Variants in EEF1AKMT4 observed in about 807,000 individuals in gnomAD.
The protein encoded by EEF1AKMT4 is eukaryotic translation elongation factor 1 alpha lysine specific methyltransferase 4.
A neutral mutation model predicts 23.0 loss-of-function variants in EEF1AKMT4; 17 were observed. The observed-to-expected ratio is 0.74, with a 90% CI of 0.51 to 1.11. The LOEUF (loss-of-function observed/expected upper bound fraction) is 1.11. Among genes scored for constraint, EEF1AKMT4 ranks in the 50% least tolerant of loss-of-function variants. The pLI, the probability that EEF1AKMT4 is intolerant of heterozygous loss-of-function variation, is 0.00. For missense variants in EEF1AKMT4, 318 were observed against 333.4 expected (o/e 0.95, Z 0.36); for synonymous variants, 140 against 141.4 (o/e 0.99, Z 0.07).
intron 1 of EEF1AKMT4, among the ~76,000 whole-genome samples, chr3:184,251,433 T>C (rs550961107): frequency 1.3e-5 from 2 of 152,172 alleles, no homozygotes; most frequent in South Asian, 4.1e-4. Context: ...CTTGGGAGGC[T>C]GAGGCAGGAG....
intron 1 of EEF1AKMT4, 117 bp from the exon 2 acceptor site, chr3:184,257,356 T>C (rs1175562953): frequency 1.9e-6 from 2 of 1,066,906 alleles, no homozygotes; most frequent in Non-Finnish European, 2.7e-6. Flanking sequence ...CCACCTCCTC[T>C]CAGTACTAGA....
rs776645881 is a variant in EEF1AKMT4 at position 184,257,642 on chromosome 3, T to G, written c.366T>G (p.Ala122=). The G allele has an allele frequency of 1.2e-6, 2 of 1,614,204 alleles. No homozygotes were observed. Among genetic ancestry groups the G allele is most frequent in the Non-Finnish European group, 8.5e-7 (1 of 1,180,042 alleles). The change falls in exon 2 of 3, where the codon GCT becomes GCG. Residue 122 remains alanine, a synonymous_variant. Coordinates refer to ENST00000324557, the MANE Select transcript of EEF1AKMT4 (RefSeq NM_032331.4). ...MDVRKLDFPS[A]SFDVVLEKGT... The stretch of plus-strand genomic sequence containing the variant: ...TGCGGAAGCTGGACTTCCCCAGTGC[T>G]TCTTTTGATGTGGTGCTCGAGAAGG...
In EEF1AKMT4 at chr3:184,257,629, A is replaced by G. The variant is rs1195817719; in HGVS notation, c.353A>G (p.Asp118Gly). 1 of 1,614,032 alleles carries G rather than the reference A, an allele frequency of 6.2e-7. No homozygotes were observed. Among genetic ancestry groups the G allele is most frequent in the Non-Finnish European group, 8.5e-7 (1 of 1,180,044 alleles). ...RWETMDVRKL[D>G]FPSASFDVVL... ...GAGACCATGGATGTGCGGAAGCTGG[A>G]CTTCCCCAGTGCTTCTTTTGATGTG... The change falls in exon 2 of 3, where the codon GAC (aspartate) becomes GGC (glycine). Residue 118 changes from aspartate (D) to glycine (G), a missense_variant. Transcript: ENST00000324557.
intron 1 of EEF1AKMT4, among the ~76,000 whole-genome samples, chr3:184,255,438 C>A (rs73185790): frequency 1.3e-5 from 2 of 152,138 alleles, no homozygotes; most frequent in Admixed American, 6.5e-5. Flanking sequence ...GTGCCAAACC[C>A]TGATAGATTA....
rs531484055 is a variant in EEF1AKMT4 at position 184,255,178 on chromosome 3, G to A, written c.197-2295G>A. Among the ~76,000 whole-genome samples, 3 of 152,282 alleles carry A rather than the reference G, an allele frequency of 2.0e-5. No homozygotes were observed. The South Asian group carries it at 6.2e-4, about 32-fold the overall frequency. On this transcript the variant is annotated intron_variant, in intron 1 of 2. Transcript: ENST00000324557. The stretch of plus-strand genomic sequence containing the variant: ...CTACAGGTATATGAGGTCAGGTGTG[G>A]GGGTAATGAAGGGATTGTGGGTCAG...
chr3:184,256,360 T>C (rs979322692), intron 1 of EEF1AKMT4, among the ~76,000 whole-genome samples: 3 of 151,954 alleles, frequency 2.0e-5, no homozygotes, highest in Admixed American at 6.5e-5. Flanking sequence ...TAGTTTCCCC[T>C]TCACTTGTTA....
At chr3:184,256,145 G>A (rs532139860) in intron 1 of EEF1AKMT4, among the ~76,000 whole-genome samples, 23 of 151,990 alleles carry the variant, frequency 1.5e-4, no homozygotes, top group Non-Finnish European at 2.6e-4. Context: ...ATGGTGGTGC[G>A]TGCCTGTAGT....
chr3:184,257,086 T>C (rs1423554968), intron 1 of EEF1AKMT4, among the ~76,000 whole-genome samples: 6 of 151,570 alleles, frequency 4.0e-5, no homozygotes, highest in Non-Finnish European at 7.4e-5. Context: ...GGCACGCGCC[T>C]GTAATCCCAG....
intron 1 of EEF1AKMT4, 64 bp downstream of exon 1, chr3:184,249,954 C>G: frequency 6.5e-7 from 1 of 1,535,836 alleles, no homozygotes. Context: ...ATGGGCTTGG[C>G]CTGGTCCGCT....
chr3:184,250,402 C>G (rs1188939002), intron 1 of EEF1AKMT4, among the ~76,000 whole-genome samples: 5 of 152,192 alleles, frequency 3.3e-5, no homozygotes, highest in Non-Finnish European at 1.5e-5. Flanking sequence ...CTGTCTGAAA[C>G]TTGGTCCTAT....
chr3:184,250,627 C>G (rs1270291280), intron 1 of EEF1AKMT4, among the ~76,000 whole-genome samples: 1 of 152,140 alleles, frequency 6.6e-6, no homozygotes, highest in African/African-American at 2.4e-5. Context: ...TTACTTTGCT[C>G]TTTGTAAAAG....
chr3:184,254,726 G>A (rs1483795891), intron 1 of EEF1AKMT4, among the ~76,000 whole-genome samples: 1 of 151,728 alleles, frequency 6.6e-6, no homozygotes, highest in Non-Finnish European at 1.5e-5. Flanking sequence ...TTCCAATTTA[G>A]ATTTCCTATA....
At chr3:184,252,946 C>CA (rs563455729) in intron 1 of EEF1AKMT4, among the ~76,000 whole-genome samples, 1,743 of 43,808 alleles carry the variant, frequency 0.04, 27 homozygotes, top group East Asian at 0.055. Flanking sequence ...AACTCCATCT[C>CA]AAAAAAAAAA....
Position 184,251,473 on chromosome 3 carries a change from C to T in EEF1AKMT4, c.196+1583C>T, listed in dbSNP as rs146968786. 8.1e-3 allele frequency among the ~76,000 whole-genome samples: 1,235 copies of T among 151,810 alleles called. 17 individuals carry two copies. Among genetic ancestry groups the T allele is most frequent in the African/African-American group, 0.029 (1,182 of 41,346 alleles). ...ACTTGAGCCCAGGAGGTGGAGGTTG[C>T]AGTGAGCTGAGATTGCACCACTCCA... is the stretch of plus-strand genomic sequence containing the variant. On this transcript the variant is annotated intron_variant, in intron 1 of 2. Transcript: ENST00000324557.
At chr3:184,253,859 G>A (rs998681147) in intron 1 of EEF1AKMT4, among the ~76,000 whole-genome samples, 2 of 151,970 alleles carry the variant, frequency 1.3e-5, no homozygotes, top group Admixed American at 6.6e-5. Context: ...TAGTAGAGAC[G>A]GGGTTTCACC....
chr3:184,252,566 T>G (rs1719606786), intron 1 of EEF1AKMT4, among the ~76,000 whole-genome samples: 1 of 152,120 alleles, frequency 6.6e-6, no homozygotes. Context: ...CAAGTAAATT[T>G]TTTAGGCTTT....
intron 1 of EEF1AKMT4, among the ~76,000 whole-genome samples, chr3:184,251,645 T>C (rs2108447979): frequency 6.6e-6 from 1 of 152,314 alleles, no homozygotes; most frequent in South Asian, 2.1e-4. Context: ...CAGGCTGCAG[T>C]GAGCTGTGAT....
intron 1 of EEF1AKMT4, among the ~76,000 whole-genome samples, chr3:184,251,728 A>T (rs1196533238): frequency 1.3e-5 from 2 of 152,114 alleles, no homozygotes; most frequent in Non-Finnish European, 2.9e-5. Flanking sequence ...AAAAACAAAC[A>T]AACAAAAAAC....
chr3:184,257,391 GC>G lies in EEF1AKMT4; in HGVS notation c.197-80del, dbSNP rs1317145938. The G allele has an allele frequency of 4.7e-5, 66 of 1,417,136 alleles. No individual in the cohort carries two copies. The Admixed American group carries it at 1.3e-3, about 28-fold the overall frequency. The allele number at this position is 1,417,136 out of a possible 1,614,324, so 87.8% of individuals were successfully genotyped here. A position where few individuals can be genotyped will look rare whatever the true frequency, so the allele number is the denominator to read the frequency against. On this transcript the variant is annotated intron_variant, in intron 1 of 2. Transcript: ENST00000324557. ...AGGGTTTGGATTGAGAGAAAACGGGGCCAAGAGTGGATGGATATTCAGGGGG... is the reference window on the plus strand; with the variant it reads ...AGGGTTTGGATTGAGAGAAAACGGGGCAAGAGTGGATGGATATTCAGGGGG...
Sources: gnomAD v4.1 joint callset for allele counts (sites outside exome capture counted in the v4.1 genomes callset) on GRCh38, gnomAD v4.1.1 for gene constraint, MANE v1.5 for transcripts, NCBI Gene and HGNC (gene_info 2026-07-23, HGNC 2026-07-21) for gene names.